The following ME3 variants were observed in gnomAD, a reference collection of about 807,000 sequenced individuals.
ME3 encodes the protein malic enzyme 3, also known as NADP-dependent malic enzyme, mitochondrial.
A neutral mutation model predicts 68.9 loss-of-function variants in ME3; 48 were observed. That is an observed-to-expected ratio of 0.70 (90% CI 0.55 to 0.89). The LOEUF (loss-of-function observed/expected upper bound fraction) is 0.89, where lower values mean the gene tolerates loss of function less well. ME3 is among the 40% of genes least tolerant of loss of function. The pLI is 0.00. For synonymous variants in ME3, 320 were observed against 318.8 expected, an observed-to-expected ratio of 1.00 and a Z score of -0.04; for missense variants, 675 against 797.4, an observed-to-expected ratio of 0.85 and a Z score of 1.85.
intron 8 of ME3, chr11:86,462,543 G>T: frequency 7.3e-6 from 9 of 1,225,280 alleles, no homozygotes; most frequent in Non-Finnish European, 9.5e-6. Flanking sequence ...GCAGGGGCAG[G>T]TGTCCAGTGT....
At chr11:86,469,852 T>G (rs1395057007) in intron 7 of ME3, among the ~76,000 whole-genome samples, 2 of 149,152 alleles carry the variant, frequency 1.3e-5, no homozygotes, top group East Asian at 3.9e-4. Flanking sequence ...TTGATTTTGT[T>G]TTTTTTTTTT....
At chr11:86,600,761 C>A (rs1209675671) in intron 2 of ME3, among the ~76,000 whole-genome samples, 7 of 151,678 alleles carry the variant, frequency 4.6e-5, no homozygotes, top group African/African-American at 1.7e-4. Flanking sequence ...TCTCTCAGAC[C>A]ACAGTGCAAT....
intron 4 of ME3, among the ~76,000 whole-genome samples, chr11:86,551,382 T>C (rs1200437880): frequency 6.6e-6 from 1 of 152,026 alleles, no homozygotes; most frequent in East Asian, 1.9e-4. Flanking sequence ...CAACATGATA[T>C]AGTATGTTTC....
intron 7 of ME3, among the ~76,000 whole-genome samples, chr11:86,471,993 G>A (rs1950808808): frequency 6.6e-6 from 1 of 152,208 alleles, no homozygotes; most frequent in Admixed American, 6.5e-5. Flanking sequence ...AAGAGGGCAG[G>A]CAGCTCTGCA....
intron 4 of ME3, among the ~76,000 whole-genome samples, chr11:86,537,132 G>A: frequency 7.1e-6 from 1 of 141,044 alleles, no homozygotes; most frequent in East Asian, 2.1e-4. Flanking sequence ...TCTGGGGACT[G>A]TTGTGGGGTG....
At chr11:86,609,599 C>T (rs1309439041) in intron 2 of ME3, among the ~76,000 whole-genome samples, 1 of 152,148 alleles carries the variant, frequency 6.6e-6, no homozygotes, top group Non-Finnish European at 1.5e-5. Context: ...ACACCCCTAA[C>T]CAAACCCTAG....
In ME3 at chr11:86,559,834, C is replaced by T; in HGVS notation, c.184-11G>A. 1.2e-6 allele frequency: 2 copies of T among 1,612,616 alleles called. No individual in the cohort carries two copies. The highest frequency in any genetic ancestry group is 2.2e-5 in the South Asian group (2 of 90,854). On this transcript the variant is annotated splice_polypyrimidine_tract_variant and intron_variant, in intron 2 of 14. Coordinates refer to ENST00000543262, the Ensembl canonical transcript of ME3. ...GGTAAAGGCCATCCCCTGGGAAAAA[C>T]AGGAAAAGAACACCCACACATAAGT...
chr11:86,637,939 A>T (rs953890855), intron 2 of ME3, among the ~76,000 whole-genome samples: 2 of 147,762 alleles, frequency 1.4e-5, no homozygotes, highest in Non-Finnish European at 3.0e-5. Flanking sequence ...CAAATATATG[A>T]ATATATATGT....
At chr11:86,462,857 G>T (rs1438320078) in intron 8 of ME3, among the ~76,000 whole-genome samples, 1 of 152,118 alleles carries the variant, frequency 6.6e-6, no homozygotes, top group Non-Finnish European at 1.5e-5. Flanking sequence ...GCCTTCCCTG[G>T]GCAGGAGACC....
chr11:86,557,291 C>T (rs535662234), intron 3 of ME3, among the ~76,000 whole-genome samples: 57 of 152,278 alleles, frequency 3.7e-4, no homozygotes, highest in South Asian at 3.3e-3. Context: ...ATCCCTGAGA[C>T]CTGAAATCAC....
intron 2 of ME3, among the ~76,000 whole-genome samples, chr11:86,572,306 G>A (rs1162015543): frequency 6.6e-6 from 1 of 151,882 alleles, no homozygotes; most frequent in Non-Finnish European, 1.5e-5. Flanking sequence ...TGGGATACAT[G>A]TGCAGAGTGT....
At chr11:86,462,100 ATATG>A (rs1387279365) in intron 8 of ME3, among the ~76,000 whole-genome samples, 8 of 152,352 alleles carry the variant, frequency 5.3e-5, no homozygotes, top group Non-Finnish European at 8.8e-5. Flanking sequence ...ACACATGTGA[ATATG>A]TATGAGCACA....
rs543774393 is a variant in ME3 at position 86,657,443 on chromosome 11, G to A, written c.183+14319C>T. On this transcript the variant is annotated intron_variant, in intron 2 of 14. Transcript: ENST00000543262. ...TGAGAACACATGGACACAAGGAGGGGAACATCATACATTGGGGCCTGTAGG... is the reference window on the plus strand; with the variant it reads ...TGAGAACACATGGACACAAGGAGGGAAACATCATACATTGGGGCCTGTAGG... Among the ~76,000 whole-genome samples, 216 of 101,554 alleles carry A rather than the reference G, an allele frequency of 2.1e-3. 1 individual carries two copies. The highest frequency in any genetic ancestry group is 7.9e-3 in the African/African-American group (203 of 25,682). 66.6% of individuals were successfully genotyped at this position (101,554 alleles called of 152,430 possible). A position where few individuals can be genotyped will look rare whatever the true frequency, so the allele number is the denominator to read the frequency against.
chr11:86,448,263 A>G lies in ME3; in HGVS notation c.1132-8T>C. On this transcript the variant is annotated splice_polypyrimidine_tract_variant and splice_region_variant and intron_variant, in intron 10 of 14. Transcript: ENST00000543262. Reference sequence around the variant, plus strand: ...GTTCAGGTGGCTCCTCCCCTACAGGAAAAGGAACACAGAGCAGTTGTGGTC... The same window carrying G: ...GTTCAGGTGGCTCCTCCCCTACAGGGAAAGGAACACAGAGCAGTTGTGGTC... 6.2e-7 allele frequency: 1 copy of G among 1,603,904 alleles called. No homozygotes were observed. Among genetic ancestry groups the G allele is most frequent in the South Asian group, 1.1e-5 (1 of 90,832 alleles).
chr11:86,509,072 G>A (rs1953304901), intron 4 of ME3, among the ~76,000 whole-genome samples: 2 of 152,178 alleles, frequency 1.3e-5, no homozygotes, highest in South Asian at 4.1e-4. Context: ...GGAGTCCATG[G>A]GGCCATGGGG....
intron 8 of ME3, among the ~76,000 whole-genome samples, chr11:86,463,202 G>C (rs774204762): frequency 1.3e-5 from 2 of 152,192 alleles, no homozygotes; most frequent in Non-Finnish European, 2.9e-5. Flanking sequence ...ACATGTGGCT[G>C]TCTGTGTGTC....
intron 2 of ME3, among the ~76,000 whole-genome samples, chr11:86,605,723 A>C (rs1267432858): frequency 6.6e-6 from 1 of 152,168 alleles, no homozygotes; most frequent in Non-Finnish European, 1.5e-5. Context: ...CAACCCTTTA[A>C]AATAGATTTT....
intron 7 of ME3, among the ~76,000 whole-genome samples, chr11:86,475,240 A>G (rs1950995114): frequency 6.6e-6 from 1 of 152,142 alleles, no homozygotes; most frequent in African/African-American, 2.4e-5. Flanking sequence ...TCCTCGTGAT[A>G]GTGAGTTGTC....
intron 2 of ME3, among the ~76,000 whole-genome samples, chr11:86,567,248 AAGGAAGGAAGG>A (rs1957538231): frequency 1.5e-5 from 1 of 65,872 alleles, no homozygotes; most frequent in East Asian, 4.1e-4. Context: ...GAAAGAAAGG[AAGGAAGGAAGG>A]AAGGAAGGAA....
Sources: gnomAD v4.1 joint callset for allele counts (sites outside exome capture counted in the v4.1 genomes callset) on GRCh38, gnomAD v4.1.1 for gene constraint, MANE v1.5 for transcripts, NCBI Gene and HGNC (gene_info 2026-07-23, HGNC 2026-07-21) for gene names.